Variants in NAALADL2 observed in about 807,000 individuals in gnomAD.
NAALADL2 encodes inactive N-acetylated-alpha-linked acidic dipeptidase-like protein 2.
In NAALADL2, 76 loss-of-function variants were observed where a neutral mutation model predicts 87.2. The ratio of observed to expected loss-of-function variants is 0.87; its 90% CI spans 0.72 to 1.05. NAALADL2 has a LOEUF of 1.05. Ranked by LOEUF, NAALADL2 falls within the 50% of genes least tolerant of loss-of-function variation. The pLI is 0.00. For synonymous variants in NAALADL2, 354 were observed against 331.0 expected (o/e 1.07, Z -0.75); for missense variants, 1,089 against 945.8 (o/e 1.15, Z -1.99).
At chr3:175,015,842 A>G (rs1419639985) in intron 1 of NAALADL2, among the ~76,000 whole-genome samples, 1 of 152,094 alleles carries the variant, frequency 6.6e-6, no homozygotes, top group Non-Finnish European at 1.5e-5. Flanking sequence ...GTAATTTATG[A>G]GGGTCTATGT....
rs879288272 is a variant in NAALADL2 at position 175,702,821 on chromosome 3, C to CA, written c.1897-34478dup. 2.3e-4 allele frequency among the ~76,000 whole-genome samples: 35 copies of CA among 150,450 alleles called. No homozygotes were observed. In the Middle Eastern group the frequency reaches 0.014, roughly 59 times the overall value. On this transcript the variant is annotated intron_variant, in intron 11 of 13. Transcript: ENST00000454872. ...ATATATTAGTGTATTAAATTGTCAG[C>CA]AAAAAAATATTTGGAAGAAAATAGT...
At chr3:175,387,804 T>C (rs570521678) in intron 5 of NAALADL2, among the ~76,000 whole-genome samples, 1 of 152,216 alleles carries the variant, frequency 6.6e-6, no homozygotes, top group South Asian at 2.1e-4. Context: ...ATCTACAATG[T>C]GTTGTCTATT....
chr3:174,687,795 G>A (rs552982384), intron 2 of NAALADL2, among the ~76,000 whole-genome samples: 4 of 152,136 alleles, frequency 2.6e-5, no homozygotes, highest in South Asian at 2.1e-4. Flanking sequence ...TAATTGAATC[G>A]TGGGGGCAGT....
At chr3:174,460,625 G>T (rs573804001) in intron 1 of NAALADL2, among the ~76,000 whole-genome samples, 1 of 151,090 alleles carries the variant, frequency 6.6e-6, no homozygotes, top group South Asian at 2.1e-4. Flanking sequence ...AACAATAAAA[G>T]AAATGGTAAT....
At chr3:174,771,057 CT>C (rs1285118946) in intron 3 of NAALADL2, among the ~76,000 whole-genome samples, 15 of 152,200 alleles carry the variant, frequency 9.9e-5, no homozygotes, top group South Asian at 2.1e-4. Context: ...ATTATGAAGT[CT>C]GAATTACTGA....
rs190245089 is a variant in NAALADL2 at position 175,771,896 on chromosome 3, G to A, written c.2189+16478G>A. On this transcript the variant is annotated intron_variant, in intron 13 of 13. Transcript: ENST00000454872. Reference sequence around the variant, plus strand: ...AACTTATACATAGCAGCAGCAAGAAGCACCCAGCAAAAGAGGGAAAAGGCC... The same window carrying A: ...AACTTATACATAGCAGCAGCAAGAAACACCCAGCAAAAGAGGGAAAAGGCC... Among the ~76,000 whole-genome samples the A allele has an allele frequency of 5.9e-5, 9 of 152,184 alleles. No individual in the cohort carries two copies. The East Asian group carries it at 1.5e-3, about 26-fold the overall frequency.
At chr3:175,027,312 C>A (rs547680297) in intron 1 of NAALADL2, among the ~76,000 whole-genome samples, 1 of 152,152 alleles carries the variant, frequency 6.6e-6, no homozygotes, top group East Asian at 1.9e-4. Context: ...AGATCTGAAG[C>A]AGCATAGGTG....
chr3:175,512,190 A>T (rs1047282922), intron 9 of NAALADL2, among the ~76,000 whole-genome samples: 1 of 152,164 alleles, frequency 6.6e-6, no homozygotes, highest in Non-Finnish European at 1.5e-5. Context: ...GTTTCCTGTG[A>T]TCCCACTACT....
intron 2 of NAALADL2, among the ~76,000 whole-genome samples, chr3:174,588,754 G>C (rs1005574327): frequency 6.6e-6 from 1 of 152,148 alleles, no homozygotes; most frequent in East Asian, 1.9e-4. Flanking sequence ...TCTCAGAGGG[G>C]CACCTGGCCA....
At chr3:174,989,395 A>G (rs138398630) in intron 1 of NAALADL2, among the ~76,000 whole-genome samples, 1 of 152,232 alleles carries the variant, frequency 6.6e-6, no homozygotes, top group Non-Finnish European at 1.5e-5. Flanking sequence ...AAAGAAACTT[A>G]CATTTTGTTT....
chr3:175,026,962 G>C (rs1752300343), intron 1 of NAALADL2, among the ~76,000 whole-genome samples: 1 of 152,030 alleles, frequency 6.6e-6, no homozygotes, highest in African/African-American at 2.4e-5. Context: ...TAACTTATTG[G>C]GATACTCTGT....
intron 10 of NAALADL2, among the ~76,000 whole-genome samples, chr3:175,624,794 A>T (rs117112472): frequency 6.6e-6 from 1 of 151,962 alleles, no homozygotes; most frequent in African/African-American, 2.4e-5. Flanking sequence ...CTGAAAACAT[A>T]TCTGGATTAA....
At chr3:174,724,329 T>G (rs1051109555) in intron 2 of NAALADL2, among the ~76,000 whole-genome samples, 6 of 152,196 alleles carry the variant, frequency 3.9e-5, no homozygotes, top group Non-Finnish European at 7.4e-5. Context: ...CTGGGTAAAC[T>G]TATGTGCTTT....
chr3:175,602,470 AG>A (rs1220766228), intron 10 of NAALADL2, among the ~76,000 whole-genome samples: 1 of 150,656 alleles, frequency 6.6e-6, no homozygotes, highest in Non-Finnish European at 1.5e-5. Context: ...ATATATATAG[AG>A]AGAGAGAGAG....
chr3:174,520,678 T>C (rs562746203), intron 1 of NAALADL2, among the ~76,000 whole-genome samples: 8 of 152,254 alleles, frequency 5.3e-5, no homozygotes, highest in African/African-American at 1.9e-4. Context: ...ATCAAAAGCA[T>C]ATGTAACAAA....
intron 10 of NAALADL2, among the ~76,000 whole-genome samples, chr3:175,616,814 A>G (rs1487947292): frequency 6.6e-6 from 1 of 152,154 alleles, no homozygotes; most frequent in Non-Finnish European, 1.5e-5. Flanking sequence ...TGCATCCTCA[A>G]GTTATTGCCC....
intron 9 of NAALADL2, among the ~76,000 whole-genome samples, chr3:175,496,089 G>C (rs2149356769): frequency 6.6e-6 from 1 of 152,208 alleles, no homozygotes; most frequent in Non-Finnish European, 1.5e-5. Context: ...TTGGAAGCCT[G>C]TGTCACAGTC....
At chr3:175,331,998 A>C (rs1761460548) in intron 5 of NAALADL2, among the ~76,000 whole-genome samples, 1 of 152,196 alleles carries the variant, frequency 6.6e-6, no homozygotes, top group African/African-American at 2.4e-5. Flanking sequence ...GCTTTGAAAA[A>C]TACCTAGGAA....
At chr3:175,042,154 T>C (rs1378768863) in intron 1 of NAALADL2, among the ~76,000 whole-genome samples, 1 of 152,152 alleles carries the variant, frequency 6.6e-6, no homozygotes, top group African/African-American at 2.4e-5. Flanking sequence ...ATTCCACATA[T>C]GTGCGATCAT....
Sources: gnomAD v4.1 joint callset for allele counts (sites outside exome capture counted in the v4.1 genomes callset) on GRCh38, gnomAD v4.1.1 for gene constraint, MANE v1.5 for transcripts, NCBI Gene and HGNC (gene_info 2026-07-23, HGNC 2026-07-21) for gene names.